Variants in PCDHGB5 observed in about 807,000 individuals in gnomAD.
PCDHGB5 encodes the protein protocadherin gamma-B5.
Under a neutral mutation model 62.9 loss-of-function variants are expected in PCDHGB5, and 48 were observed. That is an observed-to-expected ratio of 0.76 (90% CI 0.61 to 0.97). The LOEUF is 0.97. PCDHGB5 is among the 50% of genes least tolerant of loss of function. The pLI, the probability that PCDHGB5 is intolerant of heterozygous loss-of-function variation, is 0.00. For missense variants in PCDHGB5, 1,118 were observed against 1,198.6 expected, an observed-to-expected ratio of 0.93 and a Z score of 0.99; for synonymous variants, 474 against 511.2, an observed-to-expected ratio of 0.93 and a Z score of 0.98.
At chr5:141,434,338 G>A (rs1037038534) in intron 1 of PCDHGB5, among the ~76,000 whole-genome samples, 5 of 152,086 alleles carry the variant, frequency 3.3e-5, no homozygotes, top group East Asian at 1.9e-4. Context: ...TCTTTGTGTC[G>A]GGAACAGGCC....
intron 1 of PCDHGB5, among the ~76,000 whole-genome samples, chr5:141,443,202 C>T (rs546748238): frequency 2.6e-5 from 4 of 152,172 alleles, no homozygotes; most frequent in Non-Finnish European, 1.5e-5. Flanking sequence ...GTACAAAGAG[C>T]TTGTCTCGCC....
intron 1 of PCDHGB5, chr5:141,419,076 C>G: frequency 6.2e-7 from 1 of 1,613,956 alleles, no homozygotes; most frequent in Non-Finnish European, 8.5e-7. Context: ...AAGCTAGTAA[C>G]AGATGAGGCC....
intron 1 of PCDHGB5, chr5:141,405,547 G>A (rs2094685057): frequency 1.6e-6 from 1 of 629,986 alleles, no homozygotes; most frequent in Non-Finnish European, 2.7e-6. Context: ...AGCCTCCCAA[G>A]TAGAGTAGCT....
intron 1 of PCDHGB5, chr5:141,423,486 C>G: frequency 6.2e-7 from 1 of 1,613,952 alleles, no homozygotes; most frequent in Non-Finnish European, 8.5e-7. Context: ...TCCTGCAAAC[C>G]TATTCCCACG....
At chr5:141,453,178 A>G (rs939398654) in intron 1 of PCDHGB5, among the ~76,000 whole-genome samples, 1 of 152,128 alleles carries the variant, frequency 6.6e-6, no homozygotes, top group African/African-American at 2.4e-5. Flanking sequence ...CAGTGGTACA[A>G]TCACAGCTCA....
chr5:141,399,133 G>T lies in PCDHGB5; in HGVS notation c.1006G>T (p.Glu336Ter), dbSNP rs1054849184. Reference protein sequence around the residue: ...QCTVEINIQDENDNSPEVTFH... With the variant: ...QCTVEINIQD ...TACAGTTGAAATTAATATTCAAGAT[G>T]AAAATGACAATAGCCCAGAAGTTAC... Residue 336 changes from glutamate (E) to a stop codon, truncating the protein, a stop_gained, in exon 1 of 4, where the codon GAA (glutamate) becomes TAA (stop). Coordinates refer to ENST00000617380, the MANE Select transcript of PCDHGB5 (RefSeq NM_018925.3). LOFTEE classifies it high-confidence loss of function. The T allele has an allele frequency of 1.2e-6, 2 of 1,613,832 alleles. No homozygotes were observed. The highest frequency in any genetic ancestry group is 1.3e-5 in the African/African-American group (1 of 75,050).
chr5:141,458,366 GGAGAA>G (rs1437271099), intron 1 of PCDHGB5, among the ~76,000 whole-genome samples: 1 of 152,090 alleles, frequency 6.6e-6, no homozygotes, highest in African/African-American at 2.4e-5. Flanking sequence ...AAGAAGGAAG[GGAGAA>G]GAGAGAAGGA....
chr5:141,494,643 AG>A, intron 1 of PCDHGB5, 163 bp from the exon 2 acceptor site: 1 of 928,048 alleles, frequency 1.1e-6, no homozygotes, highest in Non-Finnish European at 1.3e-6. Flanking sequence ...CTGAGACCTG[AG>A]GTGTATTTTG....
In PCDHGB5 at chr5:141,399,684, G is replaced by T; in HGVS notation, c.1557G>T (p.Glu519Asp). Residue 519 changes from glutamate to aspartate, a missense_variant, in exon 1 of 4, where the codon GAG (glutamate) becomes GAT (aspartate). Transcript: ENST00000617380. Reference protein sequence around the residue: ...VVFAQRAFDYEQLRTFELTLQ... With the variant: ...VVFAQRAFDYDQLRTFELTLQ... Reference sequence around the variant, plus strand: ...TCGCGCAGCGCGCCTTTGACTACGAGCAGCTGCGCACCTTCGAACTCACAC... The same window carrying T: ...TCGCGCAGCGCGCCTTTGACTACGATCAGCTGCGCACCTTCGAACTCACAC... The T allele has an allele frequency of 6.2e-7, 1 of 1,613,538 alleles. No individual in the cohort carries two copies. Among genetic ancestry groups the T allele is most frequent in the Non-Finnish European group, 8.5e-7 (1 of 1,179,876 alleles).
At chr5:141,478,231 T>C (rs1423148) in intron 1 of PCDHGB5, 739,438 of 1,613,786 alleles carry the variant, frequency 0.46, 177,434 homozygotes, top group African/African-American at 0.83. Flanking sequence ...CTGTGGGGTT[T>C]GTGGTCACAG....
rs145025535 is a variant in PCDHGB5 at position 141,457,569 on chromosome 5, T to A, written c.2398-37238T>A. 2.5e-3 allele frequency among the ~76,000 whole-genome samples: 376 copies of A among 152,304 alleles called. 1 individual carries two copies. Among genetic ancestry groups the A allele is most frequent in the African/African-American group, 8.6e-3 (357 of 41,554 alleles). On this transcript the variant is annotated intron_variant, in intron 1 of 3. Transcript: ENST00000617380. Reference sequence around the variant, plus strand: ...TGTATGATAAGCTTTGGAGCAAAATTTTTCTCTCCAGTCCTCATTTTTGGT... The same window carrying A: ...TGTATGATAAGCTTTGGAGCAAAATATTTCTCTCCAGTCCTCATTTTTGGT...
rs2099735810 is a variant in PCDHGB5 at position 141,491,979 on chromosome 5, G to A, written c.2398-2828G>A. On this transcript the variant is annotated intron_variant, in intron 1 of 3. Transcript: ENST00000617380. This position sits in a 1 kb window ranked among gnomAD's most constrained non-coding sequence, Gnocchi z 6.9. ...CAAAAAAGGCCGGGGCCTCCTTCGA[G>A]CTTCCGGTGAATTTCGGGCGATTTC... 6.4e-6 allele frequency: 5 copies of A among 787,296 alleles called. No homozygotes were observed. Among genetic ancestry groups the A allele is most frequent in the Non-Finnish European group, 9.4e-6 (5 of 533,208 alleles). 48.8% of individuals were successfully genotyped at this position (787,296 alleles called of 1,614,324 possible).
At chr5:141,505,302 G>A (rs1733345360) in intron 2 of PCDHGB5, 91 bp from the exon 3 acceptor site, 1 of 1,592,596 alleles carries the variant, frequency 6.3e-7, no homozygotes, top group Admixed American at 1.7e-5. Flanking sequence ...TAGGGTTAGG[G>A]TACTAGGTTT....
In PCDHGB5 at chr5:141,512,809, A is replaced by C. The variant is rs2099884438; in HGVS notation, c.*1636A>C. ...GTGTTTTGTGCTGTGTCCACGCGCT[A>C]AGGCGACCCCCTCCCCCGTACTGAC... On this transcript the variant is annotated 3_prime_UTR_variant, in exon 4 of 4. Coordinates refer to ENST00000617380, the MANE Select transcript of PCDHGB5 (RefSeq NM_018925.3). 6.6e-6 allele frequency: 1 copy of C among 152,130 alleles called. No homozygotes were observed. The highest frequency in any genetic ancestry group is 2.4e-5 in the African/African-American group (1 of 41,404). The allele number at this position is 152,130 out of a possible 1,614,324, so 9.4% of individuals were successfully genotyped here. A position where few individuals can be genotyped will look rare whatever the true frequency, so the allele number is the denominator to read the frequency against.
chr5:141,430,017 CTTG>C (rs1203011013), intron 1 of PCDHGB5, among the ~76,000 whole-genome samples: 6 of 152,096 alleles, frequency 3.9e-5, no homozygotes, highest in African/African-American at 1.2e-4. Context: ...CACTTGGGTT[CTTG>C]TTAAGTGTGA....
chr5:141,435,781 C>T (rs3828680), intron 1 of PCDHGB5, among the ~76,000 whole-genome samples: 81,882 of 151,942 alleles, frequency 0.54, 24,120 homozygotes, highest in African/African-American at 0.79. Flanking sequence ...TGTAAAGGTG[C>T]AGGGAAACAT....
In PCDHGB5 at chr5:141,477,244, G is replaced by T. The variant is rs367944211; in HGVS notation, c.2398-17563G>T. On this transcript the variant is annotated intron_variant, in intron 1 of 3. Coordinates refer to ENST00000617380, the MANE Select transcript of PCDHGB5 (RefSeq NM_018925.3). The surrounding 1 kb of genome is among the most constrained non-coding windows in gnomAD (Gnocchi z 4.9). ...GGACTGTCATCGCTTTGCTCAGTGT[G>T]ACTGACCTGGATGCTGGCGAGAACG... 9 of 1,614,190 alleles carry T rather than the reference G, an allele frequency of 5.6e-6. No homozygotes were observed. Among genetic ancestry groups the T allele is most frequent in the Non-Finnish European group, 7.6e-6 (9 of 1,180,052 alleles).
At position 141,438,611 on chromosome 5, in the gene PCDHGB5, TATATATATATATATATATATATATACAC is replaced by T. The variant is rs1434670383; in HGVS notation, c.2397+38089_2397+38116del. On this transcript the variant is annotated intron_variant, in intron 1 of 3. Transcript: ENST00000617380. ...ACATACATATATATATATATATATA[TATATATATATATATATATATATATACAC>T]ACACACACACACATATATGTATATA... Among the ~76,000 whole-genome samples the T allele has an allele frequency of 2.7e-3, 107 of 39,370 alleles. 2 individuals are homozygous for T. Among genetic ancestry groups the T allele is most frequent in the Admixed American group, 0.019 (57 of 3,044 alleles). The allele number at this position is 39,370 out of a possible 152,430, so 25.8% of individuals were successfully genotyped here.
chr5:141,448,524 T>C (rs1177408162), intron 1 of PCDHGB5, among the ~76,000 whole-genome samples: 1 of 152,194 alleles, frequency 6.6e-6, no homozygotes, highest in Non-Finnish European at 1.5e-5. Context: ...TTATTAAGCA[T>C]CCTGTCAGCA....
Sources: gnomAD v4.1 joint callset for allele counts (sites outside exome capture counted in the v4.1 genomes callset) on GRCh38, gnomAD v4.1.1 for gene constraint, Gnocchi (gnomAD v3.1) non-coding constraint, MANE v1.5 for transcripts, NCBI Gene and HGNC (gene_info 2026-07-23, HGNC 2026-07-21) for gene names.